Variants in HELZ2 observed in about 807,000 individuals in gnomAD.
HELZ2 encodes helicase with zinc finger 2.
HELZ2 carries 143 observed loss-of-function variants against 208.8 expected under a neutral mutation model. The ratio of observed to expected loss-of-function variants is 0.68; its 90% CI spans 0.60 to 0.79. The LOEUF (loss-of-function observed/expected upper bound fraction) is 0.79. HELZ2 is among the 30% of genes least tolerant of loss of function. HELZ2 has a pLI of 0.00. For synonymous variants in HELZ2, 1,705 were observed against 1,693.7 expected (o/e 1.01, Z -0.16); for missense variants, 3,690 against 3,794.5 (o/e 0.97, Z 0.72).
exon 12 of HELZ2, chr20:63,561,616 G>C: frequency 3.1e-6 from 5 of 1,607,788 alleles, no homozygotes; most frequent in Non-Finnish European, 4.2e-6. Context: ...GCTCTGGTTC[G>C]GCCTCCCCTC....
chr20:63,567,384 G>A (rs116184161), exon 6 of HELZ2: 212 of 1,592,950 alleles, frequency 1.3e-4, no homozygotes, highest in Non-Finnish European at 1.1e-4. Flanking sequence ...AGAAGAAGCC[G>A]ACCGGCACCC....
chr20:63,571,804 T>TCCTGCCCCGCTCCCAGCTCCTGGGA (rs1569038916), intron 1 of HELZ2: 1 of 121,512 alleles, frequency 8.2e-6, no homozygotes, highest in African/African-American at 6.0e-5. Flanking sequence ...TGGCTCTGCC[T>TCCTGCCCCGCTCCCAGCTCCTGGGA]ACGGTGGGCT....
At chr20:63,562,172 G>A (rs1276797060) in exon 10 of HELZ2, 1 of 1,612,030 alleles carries the variant, frequency 6.2e-7, no homozygotes, top group Non-Finnish European at 8.5e-7. Flanking sequence ...GGATGTTGTA[G>A]GTCTGCCGCT....
exon 15 of HELZ2, chr20:63,560,819 A>G: frequency 1.2e-6 from 2 of 1,612,810 alleles, no homozygotes; most frequent in Non-Finnish European, 1.7e-6. Context: ...TGTCCAGCAT[A>G]TGTGCGTCCT....
chr20:63,562,998 C>G, exon 8 of HELZ2: 5 of 1,600,334 alleles, frequency 3.1e-6, no homozygotes, highest in Non-Finnish European at 4.3e-6. Context: ...CACACGCAGG[C>G]GTACTCATCC....
chr20:63,572,665 C>T (rs1032404350), upstream of HELZ2: 3 of 435,254 alleles, frequency 6.9e-6, no homozygotes, highest in Non-Finnish European at 1.2e-5. Context: ...CGCCAAACTC[C>T]GTAAGGATGG....
At chr20:63,572,523 G>GAGGGCCGCCGCAA, upstream of HELZ2, 1 of 964,748 alleles carries the variant, frequency 1.0e-6, no homozygotes, top group Non-Finnish European at 1.5e-6. Context: ...TGCTTGCGGC[G>GAGGGCCGCCGCAA]GCCCTCGGCG....
exon 8 of HELZ2, chr20:63,565,069 C>A (rs1569033019): frequency 1.9e-6 from 3 of 1,563,802 alleles, no homozygotes; most frequent in East Asian, 4.8e-5. Flanking sequence ...GCCTCTCAAG[C>A]CCCACACGCT....
exon 4 of HELZ2, chr20:63,569,613 G>A (rs1429310815): frequency 6.4e-7 from 1 of 1,554,766 alleles, no homozygotes; most frequent in East Asian, 2.4e-5. Flanking sequence ...AGCCACCAGA[G>A]AGAAGTCGGC....
chr20:63,568,588 G>T, exon 5 of HELZ2: 1 of 1,594,646 alleles, frequency 6.3e-7, no homozygotes, highest in Non-Finnish European at 8.5e-7. Flanking sequence ...GCAGGGCGCA[G>T]GTGGGCAAGT....
Position 63,571,195 on chromosome 20 carries a change from G to A in HELZ2, c.279-327C>T, listed in dbSNP as rs1401357800. 79 of 305,466 alleles carry A rather than the reference G, an allele frequency of 2.6e-4. 3 individuals carry two copies. Among genetic ancestry groups the A allele is most frequent in the East Asian group, 1.8e-3 (20 of 11,080 alleles). The allele number at this position is 305,466 out of a possible 1,614,324, so 18.9% of individuals were successfully genotyped here. A position where few individuals can be genotyped will look rare whatever the true frequency, so the allele number is the denominator to read the frequency against. ...CCTGGGAACCTCTGGCTCTGCCTAC[G>A]GTGGGCTCCTGCCCCGCTCCAAGCT... On this transcript the variant is annotated intron_variant, in intron 1 of 18. Coordinates refer to ENST00000467148, the Ensembl canonical transcript of HELZ2.
At chr20:63,570,303 A>G (rs936330641) in intron 3 of HELZ2, 2 of 705,076 alleles carry the variant, frequency 2.8e-6, no homozygotes, top group African/African-American at 3.5e-5. Context: ...TAACCCTGCC[A>G]AGGTGGGACT....
In HELZ2 at chr20:63,567,641, A is replaced by G. The variant is rs1600981359; in HGVS notation, c.1731-14T>C. ...ATGTCGGCGGCACTGCGGGAGGGGG[A>G]GGAGCTCATGGGCTTCTTGCTGGGG... On this transcript the variant is annotated splice_polypyrimidine_tract_variant and intron_variant, in intron 5 of 18. Coordinates refer to ENST00000467148, the Ensembl canonical transcript of HELZ2. 1.3e-6 allele frequency: 2 copies of G among 1,595,516 alleles called. No individual in the cohort carries two copies. The highest frequency in any genetic ancestry group is 8.5e-7 in the Non-Finnish European group (1 of 1,173,528).
At chr20:63,562,697 C>A (rs766852904) in exon 8 of HELZ2, 1 of 1,600,000 alleles carries the variant, frequency 6.3e-7, no homozygotes, top group East Asian at 2.3e-5. Context: ...GTGGGCCACC[C>A]AGGTATACGT....
exon 16 of HELZ2, chr20:63,560,607 C>T: frequency 6.2e-7 from 1 of 1,611,780 alleles, no homozygotes; most frequent in Non-Finnish European, 8.5e-7. Context: ...CCAGCGTGGC[C>T]CAGGACACTG....
At chr20:63,566,770 G>A (rs926858726) in intron 6 of HELZ2, 74 bp downstream of exon 7, 66 of 1,381,418 alleles carry the variant, frequency 4.8e-5, no homozygotes, top group Middle Eastern at 3.8e-4. Flanking sequence ...GCGGGGGCTC[G>A]TCCATCAGCC....
In HELZ2 at chr20:63,568,991, A is replaced by AGGGTCAGCCTGGCAGGATGGCCT. The variant is rs1049035070; in HGVS notation, c.1089-15_1096dup (p.Leu366GlnfsTer7). ...CGTCTTCAGGAACACCTGGCCCCGC[A>AGGGTCAGCCTGGCAGGATGGCCT]GGGTCAGCCTGGCAGGATGGCCTGG... On this transcript the variant is annotated stop_gained and frameshift_variant, in exon 5 of 19. Transcript: ENST00000467148. LOFTEE classifies it high-confidence loss of function. 15 of 1,601,738 alleles carry AGGGTCAGCCTGGCAGGATGGCCT rather than the reference A, an allele frequency of 9.4e-6. No individual in the cohort carries two copies. Among genetic ancestry groups the AGGGTCAGCCTGGCAGGATGGCCT allele is most frequent in the Non-Finnish European group, 1.2e-5 (14 of 1,179,824 alleles).
chr20:63,565,260 G>A (rs1478674415), exon 8 of HELZ2: 4 of 1,606,438 alleles, frequency 2.5e-6, no homozygotes, highest in African/African-American at 1.3e-5. Flanking sequence ...ACGCGGCCCC[G>A]AAGCCGCCCC....
exon 2 of HELZ2, chr20:63,570,844 G>A (rs760914974): frequency 1.3e-5 from 21 of 1,599,710 alleles, no homozygotes; most frequent in African/African-American, 2.7e-5. Context: ...TGGTGCAGGC[G>A]TCCCCATACT....
Sources: gnomAD v4.1 joint callset for allele counts on GRCh38, gnomAD v4.1.1 for gene constraint, MANE v1.5 for transcripts, NCBI Gene and HGNC (gene_info 2026-07-23, HGNC 2026-07-21) for gene names.